Variants in STK33 observed in about 807,000 individuals in gnomAD.
STK33 encodes serine/threonine-protein kinase 33.
STK33 carries 52 observed loss-of-function variants against 58.0 expected under a neutral mutation model. The ratio of observed to expected loss-of-function variants is 0.90; its 90% CI spans 0.72 to 1.13. The LOEUF (loss-of-function observed/expected upper bound fraction) is 1.13. STK33 is among the 50% of genes most tolerant of loss of function. The probability of loss-of-function intolerance (pLI) is 0.00; values close to 1 mark genes in which losing one functional copy is unlikely to be tolerated. For missense variants in STK33, 630 were observed against 604.2 expected, an observed-to-expected ratio of 1.04 and a Z score of -0.45; for synonymous variants, 215 against 200.1, an observed-to-expected ratio of 1.07 and a Z score of -0.63.
At chr11:8,504,830 CTT>C (rs1431174970) in intron 1 of STK33, among the ~76,000 whole-genome samples, 4 of 152,062 alleles carry the variant, frequency 2.6e-5, no homozygotes, top group South Asian at 4.2e-4. Context: ...ATTATATAAA[CTT>C]ATAATAAATG....
chr11:8,465,743 A>T (rs1948103762), intron 6 of STK33: 2 of 151,320 alleles, frequency 1.3e-5, no homozygotes, highest in Non-Finnish European at 2.9e-5. Flanking sequence ...TCAAAATGCC[A>T]CTCTCTCTCT....
chr11:8,462,955 T>A (rs1947747764), intron 7 of STK33, among the ~76,000 whole-genome samples: 1 of 152,116 alleles, frequency 6.6e-6, no homozygotes, highest in Admixed American at 6.5e-5. Flanking sequence ...CCACCTCCCA[T>A]CCACCTGATT....
chr11:8,472,286 C>A (rs994915750), intron 6 of STK33, among the ~76,000 whole-genome samples: 1 of 151,986 alleles, frequency 6.6e-6, no homozygotes, highest in Admixed American at 6.6e-5. Context: ...GTTTTTCAGG[C>A]CAGGCAGCTT....
intron 8 of STK33, among the ~76,000 whole-genome samples, chr11:8,460,592 G>C (rs1947399306): frequency 6.6e-6 from 1 of 152,070 alleles, no homozygotes; most frequent in African/African-American, 2.4e-5. Context: ...ACAAAGTGGG[G>C]TGAGGGGAAG....
chr11:8,387,755 T>A (rs1385430597), downstream of STK33, among the ~76,000 whole-genome samples: 1 of 152,186 alleles, frequency 6.6e-6, no homozygotes, highest in African/African-American at 2.4e-5. Flanking sequence ...GGCATCTTCC[T>A]CAGGGTCCAG....
chr11:8,529,227 C>T (rs576626827), intron 1 of STK33, among the ~76,000 whole-genome samples: 236 of 152,294 alleles, frequency 1.5e-3, no homozygotes, highest in African/African-American at 5.1e-3. Flanking sequence ...AGGAACATGG[C>T]AGCCTGAAAA....
At chr11:8,576,523 T>G (rs963351691) in intron 1 of STK33, among the ~76,000 whole-genome samples, 1 of 152,204 alleles carries the variant, frequency 6.6e-6, no homozygotes, top group Non-Finnish European at 1.5e-5. Flanking sequence ...TGCCACAAAT[T>G]TCATCACTTC....
At chr11:8,499,952 G>A (rs552023823) in intron 1 of STK33, among the ~76,000 whole-genome samples, 1 of 152,040 alleles carries the variant, frequency 6.6e-6, no homozygotes, top group Non-Finnish European at 1.5e-5. Flanking sequence ...GATAGCATTA[G>A]GAGAAATACC....
the STK33 span, among the ~76,000 whole-genome samples, chr11:8,345,190 G>A: frequency 2.0e-5 from 3 of 152,158 alleles, no homozygotes; most frequent in Middle Eastern, 3.2e-3. Flanking sequence ...CGCAGAGTCC[G>A]AGTTAAAATC....
At chr11:8,583,512 A>G (rs920244072) in intron 1 of STK33, among the ~76,000 whole-genome samples, 1 of 152,172 alleles carries the variant, frequency 6.6e-6, no homozygotes, top group Non-Finnish European at 1.5e-5. Flanking sequence ...ATATAAATCA[A>G]TGCTATCAAA....
intron 6 of STK33, 130 bp from the exon 7 acceptor site, chr11:8,464,952 C>A: frequency 1.8e-6 from 1 of 564,264 alleles, no homozygotes; most frequent in Non-Finnish European, 3.1e-6. Flanking sequence ...AAATAGAAGA[C>A]ACTATATATT....
At chr11:8,372,447 C>G in the STK33 span, among the ~76,000 whole-genome samples, 1 of 152,192 alleles carries the variant, frequency 6.6e-6, no homozygotes, top group African/African-American at 2.4e-5. Flanking sequence ...AGCCTCACCC[C>G]ACCTGGGGTC....
intron 1 of STK33, among the ~76,000 whole-genome samples, chr11:8,522,983 G>A (rs1167750165): frequency 1.3e-5 from 2 of 152,204 alleles, no homozygotes; most frequent in Admixed American, 6.5e-5. Context: ...TGGTGGAGAC[G>A]GGGTTTCGCC....
intron 12 of STK33, 115 bp downstream of exon 12, chr11:8,440,563 T>C (rs1944609159): frequency 4.8e-6 from 4 of 833,528 alleles, no homozygotes; most frequent in East Asian, 5.8e-5. Context: ...GATCTCCCAA[T>C]TGGTTTTTAA....
intron 1 of STK33, among the ~76,000 whole-genome samples, chr11:8,485,061 T>C (rs1309926319): frequency 1.3e-5 from 2 of 152,184 alleles, no homozygotes; most frequent in Admixed American, 6.5e-5. Flanking sequence ...AAAAATAATA[T>C]TGTTTTCCTT....
intron 1 of STK33, among the ~76,000 whole-genome samples, chr11:8,508,289 G>A (rs11041954): frequency 2.2e-3 from 139 of 62,852 alleles, no homozygotes; most frequent in African/African-American, 0.011. Context: ...TTTTTTTTGA[G>A]ACAGGGTCTC....
chr11:8,551,796 A>C (rs866358975), intron 1 of STK33, among the ~76,000 whole-genome samples: 1 of 152,148 alleles, frequency 6.6e-6, no homozygotes, highest in Non-Finnish European at 1.5e-5. Flanking sequence ...ACTTAATCCC[A>C]GCCTTTTAGT....
At chr11:8,532,492 C>T (rs914760962) in intron 1 of STK33, among the ~76,000 whole-genome samples, 2 of 152,360 alleles carry the variant, frequency 1.3e-5, no homozygotes, top group East Asian at 3.9e-4. Context: ...AAACCACTAC[C>T]TTATTCTACC....
chr11:8,416,694 TGTCTAAAGGAGAGTGCCTTA>T (rs1223402012), intron 14 of STK33, among the ~76,000 whole-genome samples: 1 of 152,214 alleles, frequency 6.6e-6, no homozygotes, highest in East Asian at 1.9e-4. Flanking sequence ...AGATTCTACA[TGTCTAAAGGAGAGTGCCTTA>T]GTACTTGAAG....
Sources: allele counts gnomAD v4.1 joint callset (sites outside exome capture counted in the v4.1 genomes callset), GRCh38; gene constraint gnomAD v4.1.1; transcripts MANE v1.5; gene names NCBI Gene and HGNC (gene_info 2026-07-23, HGNC 2026-07-21).